FAM184A: variants seen among roughly 807,000 people sequenced by gnomAD.
The protein encoded by FAM184A is family with sequence similarity 184 member A.
In FAM184A, 99 loss-of-function variants were observed where a neutral mutation model predicts 143.8. That is an observed-to-expected ratio of 0.69 (90% CI 0.58 to 0.81). FAM184A has a LOEUF of 0.81. Ranked by LOEUF, FAM184A falls within the 40% of genes least tolerant of loss-of-function variation. The pLI is 0.00. For missense variants in FAM184A, 1,217 were observed against 1,310.5 expected (o/e 0.93, Z 1.10); for synonymous variants, 427 against 446.4 (o/e 0.96, Z 0.55).
intron 1 of FAM184A, among the ~76,000 whole-genome samples, chr6:119,029,373 T>C (rs1369777811): frequency 1.3e-5 from 2 of 152,242 alleles, no homozygotes; most frequent in African/African-American, 4.8e-5. Flanking sequence ...TTTTCTAATA[T>C]TAAATTTCCC....
At chr6:119,042,851 G>A (rs1418942083) in intron 1 of FAM184A, among the ~76,000 whole-genome samples, 3 of 152,072 alleles carry the variant, frequency 2.0e-5, no homozygotes, top group Non-Finnish European at 4.4e-5. Flanking sequence ...TTGGAGAAAA[G>A]GGGATGGGAA....
At chr6:119,044,165 T>C (rs2114732838) in intron 1 of FAM184A, among the ~76,000 whole-genome samples, 2 of 152,310 alleles carry the variant, frequency 1.3e-5, no homozygotes, top group South Asian at 4.2e-4. Flanking sequence ...CTGGATGTCC[T>C]AGCTAGAGCA....
At chr6:118,972,073 A>C (rs1475489209) in intron 14 of FAM184A, among the ~76,000 whole-genome samples, 1 of 152,194 alleles carries the variant, frequency 6.6e-6, no homozygotes, top group East Asian at 1.9e-4. Context: ...TGTTTCCCAC[A>C]GCTCCATAAG....
intron 1 of FAM184A, among the ~76,000 whole-genome samples, chr6:119,063,216 T>C (rs1295981776): frequency 6.6e-6 from 1 of 152,202 alleles, no homozygotes; most frequent in Non-Finnish European, 1.5e-5. Flanking sequence ...GAAAAGACAG[T>C]ACAATCAAAT....
chr6:118,984,158 A>AAATATAT (rs375843703), intron 9 of FAM184A, among the ~76,000 whole-genome samples: 3 of 126,968 alleles, frequency 2.4e-5, no homozygotes, highest in East Asian at 2.1e-4. Flanking sequence ...TTAAAAAAAA[A>AAATATAT]ATATATATAT....
chr6:119,024,493 C>G lies in FAM184A; in HGVS notation c.480G>C (p.Glu160Asp), dbSNP rs778831224. The change falls in exon 2 of 18, where the codon GAG becomes GAC. Residue 160 changes from glutamate to aspartate, a missense_variant. Transcript: ENST00000338891. ...RIVTMSREVE[E>D]IRRKFEEKLR... ...ATTTTTCTTCAAATTTCCTTCTAAT[C>G]TCTTCGACTTCTCTAGACATGGTCA... 3.7e-6 allele frequency: 6 copies of G among 1,613,634 alleles called. No homozygotes were observed. Among genetic ancestry groups the G allele is most frequent in the Non-Finnish European group, 5.1e-6 (6 of 1,179,878 alleles).
At chr6:119,146,397 C>CATGTGT (rs369613906) in intron 1 of FAM184A, among the ~76,000 whole-genome samples, 1 of 136,310 alleles carries the variant, frequency 7.3e-6, no homozygotes, top group South Asian at 2.6e-4. Flanking sequence ...GATTAACTTA[C>CATGTGT]GTGTGTGTGT....
At chr6:119,104,198 A>G (rs1290503291) in intron 1 of FAM184A, among the ~76,000 whole-genome samples, 3 of 151,838 alleles carry the variant, frequency 2.0e-5, no homozygotes, top group Non-Finnish European at 2.9e-5. Context: ...TAATTTTTGT[A>G]TTTTTGCCAT....
chr6:119,025,058 T>G (rs1785582401), intron 1 of FAM184A, among the ~76,000 whole-genome samples: 1 of 152,216 alleles, frequency 6.6e-6, no homozygotes, highest in Non-Finnish European at 1.5e-5. Flanking sequence ...TTTAAAACAT[T>G]CAAATTTAAG....
At chr6:119,013,611 G>A (rs1785154478) in intron 5 of FAM184A, among the ~76,000 whole-genome samples, 1 of 152,118 alleles carries the variant, frequency 6.6e-6, no homozygotes, top group Non-Finnish European at 1.5e-5. Flanking sequence ...ATAGTGACCT[G>A]GCACAGAGAA....
At chr6:119,036,601 C>G (rs2114719043) in intron 1 of FAM184A, among the ~76,000 whole-genome samples, 1 of 152,132 alleles carries the variant, frequency 6.6e-6, no homozygotes, top group Non-Finnish European at 1.5e-5. Flanking sequence ...AGAAGTCCTA[C>G]TATACAGCTA....
chr6:119,033,501 T>C (rs923188439), intron 1 of FAM184A, among the ~76,000 whole-genome samples: 2 of 151,518 alleles, frequency 1.3e-5, no homozygotes, highest in Non-Finnish European at 2.9e-5. Context: ...CCGTCTCTAC[T>C]AAAAATACAA....
At chr6:119,023,554 C>T (rs1785522484) in intron 2 of FAM184A, among the ~76,000 whole-genome samples, 1 of 80,036 alleles carries the variant, frequency 1.2e-5, no homozygotes, top group Non-Finnish European at 2.4e-5. Context: ...CAATATTGTC[C>T]GCCCCCCCCC....
At chr6:119,086,134 A>G (rs139113352) in intron 1 of FAM184A, among the ~76,000 whole-genome samples, 1 of 152,330 alleles carries the variant, frequency 6.6e-6, no homozygotes, top group African/African-American at 2.4e-5. Context: ...AAAATCTAGC[A>G]AAGTTAGCAT....
intron 1 of FAM184A, chr6:119,025,469 T>C: frequency 1.9e-6 from 1 of 519,064 alleles, no homozygotes; most frequent in Non-Finnish European, 3.8e-6. Flanking sequence ...AGTTTTACTC[T>C]TTGGCTAATT....
At chr6:119,090,822 T>C (rs1157801233) in intron 1 of FAM184A, among the ~76,000 whole-genome samples, 4 of 152,206 alleles carry the variant, frequency 2.6e-5, no homozygotes, top group Non-Finnish European at 5.9e-5. Context: ...TCTTCATCCT[T>C]GAGGAATCCA....
At chr6:119,004,004 C>G (rs1210510632) in intron 7 of FAM184A, among the ~76,000 whole-genome samples, 1 of 152,176 alleles carries the variant, frequency 6.6e-6, no homozygotes, top group Non-Finnish European at 1.5e-5. Context: ...CACTTATATT[C>G]AAAAGTATGT....
intron 1 of FAM184A, among the ~76,000 whole-genome samples, chr6:119,058,171 CTCTCTT>C (rs1249006451): frequency 7.8e-5 from 11 of 140,512 alleles, no homozygotes; most frequent in African/African-American, 3.0e-4. Context: ...AATTCTCCTT[CTCTCTT>C]TTTTTTTTTT....
At position 118,999,820 on chromosome 6, in the gene FAM184A, A is replaced by G. The variant is rs148913391; in HGVS notation, c.2088+3079T>C. ...TGATGTCCCCCAATGTGGTGCTGGTAAGAGAGGTGCACAATTAGCTATGAT... is the reference window on the plus strand; with the variant it reads ...TGATGTCCCCCAATGTGGTGCTGGTGAGAGAGGTGCACAATTAGCTATGAT... On this transcript the variant is annotated intron_variant, in intron 9 of 17. Transcript: ENST00000338891. 2.2e-4 allele frequency among the ~76,000 whole-genome samples: 34 copies of G among 152,288 alleles called. No individual in the cohort carries two copies. The East Asian group carries it at 6.2e-3, about 28-fold the overall frequency.
Sources: gnomAD v4.1 joint callset for allele counts (sites outside exome capture counted in the v4.1 genomes callset) on GRCh38, gnomAD v4.1.1 for gene constraint, MANE v1.5 for transcripts, NCBI Gene and HGNC (gene_info 2026-07-23, HGNC 2026-07-21) for gene names.